Variants in TTC23 observed in about 807,000 individuals in gnomAD.
TTC23 encodes the protein tetratricopeptide repeat protein 23.
Under a neutral mutation model 55.1 loss-of-function variants are expected in TTC23, and 58 were observed. That is an observed-to-expected ratio of 1.05 (90% confidence interval 0.85 to 1.31). The LOEUF (loss-of-function observed/expected upper bound fraction) is 1.31. Ranked by LOEUF, TTC23 falls within the 50% of genes most tolerant of loss-of-function variation. TTC23 has a pLI of 0.00. For synonymous variants in TTC23, 203 were observed against 199.9 expected, an observed-to-expected ratio of 1.02 and a Z score of -0.13; for missense variants, 516 against 534.4, an observed-to-expected ratio of 0.97 and a Z score of 0.34.
chr15:99,182,906 A>G (rs1668204618), intron 9 of TTC23, among the ~76,000 whole-genome samples: 1 of 152,216 alleles, frequency 6.6e-6, no homozygotes, highest in African/African-American at 2.4e-5. Flanking sequence ...TAGTGAAACA[A>G]TATGAAACAA....
chr15:99,137,867 C>T lies in TTC23; in HGVS notation c.*143G>A, dbSNP rs2067713973. The T allele has an allele frequency of 3.7e-6, 5 of 1,338,160 alleles. No individual in the cohort carries two copies. The highest frequency in any genetic ancestry group is 5.1e-6 in the Non-Finnish European group (5 of 978,532). The allele number at this position is 1,338,160 out of a possible 1,614,324, so 82.9% of individuals were successfully genotyped here. On this transcript the variant is annotated 3_prime_UTR_variant, in exon 14 of 14. Coordinates refer to ENST00000394132, the MANE Select transcript of TTC23 (RefSeq NM_001288615.3). ...GTGGCCCACGGGAGGCTTATGGTCT[C>T]ACTGTTGCATGTTGGGGCCAACAGT...
intron 9 of TTC23, among the ~76,000 whole-genome samples, chr15:99,176,845 G>A (rs1017340907): frequency 1.3e-5 from 2 of 152,184 alleles, no homozygotes; most frequent in East Asian, 1.9e-4. Context: ...GTCTGACCCT[G>A]ATCCTCTAAC....
chr15:99,203,687 T>C (rs1201308484), intron 8 of TTC23, among the ~76,000 whole-genome samples: 1 of 151,794 alleles, frequency 6.6e-6, no homozygotes, highest in Non-Finnish European at 1.5e-5. Flanking sequence ...TGAGTTCAAT[T>C]TTTCTTTTTT....
intron 3 of TTC23, among the ~76,000 whole-genome samples, chr15:99,239,176 G>C (rs1365604824): frequency 6.6e-6 from 1 of 152,090 alleles, no homozygotes; most frequent in South Asian, 2.1e-4. Flanking sequence ...CTCATTCCTG[G>C]GTACCTCCTA....
chr15:99,218,678 T>C lies in TTC23; in HGVS notation c.491A>G (p.Glu164Gly), dbSNP rs747783748. ...KEAAENLTKA[E>G]RLSKELLQCG... ...TTGTAGCAGCTCCTTTGAAAGTCTCTCTGCTTTTGTCAAATTCTCTGCAGC... is the reference window on the plus strand; with the variant it reads ...TTGTAGCAGCTCCTTTGAAAGTCTCCCTGCTTTTGTCAAATTCTCTGCAGC... Residue 164 changes from glutamate to glycine, a missense_variant, in exon 8 of 14, where the codon GAG (glutamate) becomes GGG (glycine). Physicochemically the swap from Glu to Gly is moderately conservative, Grantham distance 98 (BLOSUM62 -2). Transcript: ENST00000394132. The C allele has an allele frequency of 6.2e-7, 1 of 1,614,086 alleles. No individual in the cohort carries two copies. The highest frequency in any genetic ancestry group is 1.3e-5 in the African/African-American group (1 of 74,954).
At chr15:99,233,842 A>G (rs1270329411) in intron 4 of TTC23, among the ~76,000 whole-genome samples, 11 of 152,242 alleles carry the variant, frequency 7.2e-5, no homozygotes, top group Admixed American at 7.2e-4. Context: ...TAGACAAGCA[A>G]TGGAACAGAA....
At chr15:99,226,421 A>T (rs1163894703) in intron 5 of TTC23, among the ~76,000 whole-genome samples, 1 of 152,266 alleles carries the variant, frequency 6.6e-6, no homozygotes, top group Non-Finnish European at 1.5e-5. Flanking sequence ...GCAATAAAGC[A>T]AATGTTAAAA....
At chr15:99,231,071 G>A (rs1009953254) in intron 4 of TTC23, among the ~76,000 whole-genome samples, 6 of 152,164 alleles carry the variant, frequency 3.9e-5, no homozygotes, top group Non-Finnish European at 8.8e-5. Context: ...AGTAGCTGTC[G>A]TAACATCATA....
chr15:99,148,215 G>C (rs1178928628), intron 12 of TTC23, among the ~76,000 whole-genome samples: 1 of 151,688 alleles, frequency 6.6e-6, no homozygotes, highest in Non-Finnish European at 1.5e-5. Flanking sequence ...ACACAAGTTA[G>C]CCAGGCATGG....
intron 8 of TTC23, among the ~76,000 whole-genome samples, chr15:99,201,323 T>C (rs2076180073): frequency 6.6e-6 from 1 of 152,188 alleles, no homozygotes; most frequent in South Asian, 2.1e-4. Context: ...TCCAGCATAT[T>C]TGTTAAGACT....
chr15:99,222,098 G>C (rs562976937), intron 5 of TTC23, among the ~76,000 whole-genome samples: 1 of 152,242 alleles, frequency 6.6e-6, no homozygotes, highest in East Asian at 1.9e-4. Flanking sequence ...ACAATTTATA[G>C]TACATTTAAG....
At chr15:99,172,081 A>C (rs1271765352) in intron 10 of TTC23, among the ~76,000 whole-genome samples, 1 of 150,414 alleles carries the variant, frequency 6.6e-6, no homozygotes, top group Non-Finnish European at 1.5e-5. Flanking sequence ...GCAGTGGCAC[A>C]ATCTTGGCTC....
intron 13 of TTC23, 45 bp downstream of exon 13, chr15:99,139,272 T>A: frequency 1.3e-6 from 2 of 1,591,028 alleles, no homozygotes; most frequent in Non-Finnish European, 1.7e-6. Flanking sequence ...AGATTCTGAA[T>A]GGAAAGGGAA....
intron 9 of TTC23, among the ~76,000 whole-genome samples, chr15:99,181,631 A>G (rs2074124035): frequency 6.6e-6 from 1 of 152,024 alleles, no homozygotes; most frequent in African/African-American, 2.4e-5. Flanking sequence ...CTGAGCTAAC[A>G]CCCTTACGTA....
intron 5 of TTC23, among the ~76,000 whole-genome samples, chr15:99,222,995 T>C (rs963761621): frequency 1.3e-5 from 2 of 152,166 alleles, no homozygotes; most frequent in Admixed American, 1.3e-4. Context: ...AGACTCCGTC[T>C]CAAAACAAAC....
rs965007437 is a variant in TTC23, at chr15:99,228,848, A to G, written c.-20-116T>C. ...TTTGAAATTAGTAGCATTATATCCC[A>G]AAAGATTATGGTGGCTACTACTGAC... On this transcript the variant is annotated intron_variant, in intron 4 of 13. Transcript: ENST00000394132. 1.4e-5 allele frequency: 12 copies of G among 833,274 alleles called. No individual in the cohort carries two copies. In the Admixed American group the frequency reaches 3.5e-4, roughly 24 times the overall value. The allele number at this position is 833,274 out of a possible 1,614,324, so 51.6% of individuals were successfully genotyped here. A position where few individuals can be genotyped will look rare whatever the true frequency, so the allele number is the denominator to read the frequency against.
rs889079541 is a variant in TTC23, at chr15:99,156,175, G to A, written c.1116C>T (p.His372=). The change falls in exon 12 of 14, where the codon CAC becomes CAT. Residue 372 remains histidine, a synonymous_variant. Transcript: ENST00000394132. ...TCTTCAGTTTCTTGCGGGCCCCACT[G>A]TGGTTCCCCTGCGCCAGGTCTGCTC... ...LGGADLAQGN[H]SGARKKLKKC... 8.1e-6 allele frequency: 13 copies of A among 1,614,100 alleles called. No individual in the cohort carries two copies. Among genetic ancestry groups the A allele is most frequent in the Non-Finnish European group, 1.0e-5 (12 of 1,180,032 alleles).
At chr15:99,163,568 G>A (rs534902421) in intron 10 of TTC23, among the ~76,000 whole-genome samples, 15 of 152,172 alleles carry the variant, frequency 9.9e-5, no homozygotes, top group African/African-American at 2.9e-4. Context: ...AATTTGTTAC[G>A]CAGGAAATAA....
At chr15:99,216,201 C>CTT (rs2077463899) in intron 8 of TTC23, among the ~76,000 whole-genome samples, 1 of 152,234 alleles carries the variant, frequency 6.6e-6, no homozygotes, top group Non-Finnish European at 1.5e-5. Context: ...AATCCTTGGA[C>CTT]TAAAGAGTAA....
Sources: gnomAD v4.1 joint callset for allele counts (sites outside exome capture counted in the v4.1 genomes callset) on GRCh38, gnomAD v4.1.1 for gene constraint, MANE v1.5 for transcripts, NCBI Gene and HGNC (gene_info 2026-07-23, HGNC 2026-07-21) for gene names.